EFNA5: variants seen among roughly 807,000 people sequenced by gnomAD.
EFNA5 encodes the protein ephrin A5, also known as ephrin-A5.
A neutral mutation model predicts 22.9 loss-of-function variants in EFNA5; 5 were observed. That is an observed-to-expected ratio of 0.22 (90% confidence interval 0.11 to 0.46). The LOEUF (loss-of-function observed/expected upper bound fraction) is 0.46. Ranked by LOEUF, EFNA5 falls within the 20% of genes least tolerant of loss-of-function variation. The pLI is 0.99. For synonymous variants in EFNA5, 113 were observed against 112.2 expected (o/e 1.01, Z -0.04); for missense variants, 237 against 293.3 (o/e 0.81, Z 1.40).
chr5:107,647,912 T>G (rs993162733), intron 1 of EFNA5, among the ~76,000 whole-genome samples: 1 of 152,100 alleles, frequency 6.6e-6, no homozygotes, highest in Non-Finnish European at 1.5e-5. Context: ...GCCAGGCAAC[T>G]CCAATAAATG....
chr5:107,593,396 A>G (rs1424642580), intron 1 of EFNA5, among the ~76,000 whole-genome samples: 1 of 152,172 alleles, frequency 6.6e-6, no homozygotes, highest in Non-Finnish European at 1.5e-5. Flanking sequence ...AAACTGTTTG[A>G]TGACTCTAAC....
At chr5:107,566,385 C>CT (rs2112481779) in intron 1 of EFNA5, among the ~76,000 whole-genome samples, 1 of 152,216 alleles carries the variant, frequency 6.6e-6, no homozygotes, top group East Asian at 1.9e-4. Context: ...AGCTTGGACT[C>CT]TATCGACGAG....
intron 1 of EFNA5, among the ~76,000 whole-genome samples, chr5:107,628,872 G>C (rs1173983515): frequency 6.6e-6 from 1 of 152,126 alleles, no homozygotes; most frequent in South Asian, 2.1e-4. Flanking sequence ...CTAAAAACAA[G>C]TCATATAAGG....
chr5:107,532,217 G>C (rs1014588998), intron 1 of EFNA5, among the ~76,000 whole-genome samples: 1 of 152,240 alleles, frequency 6.6e-6, no homozygotes, highest in Non-Finnish European at 1.5e-5. Context: ...AGGCAATGGC[G>C]TGTGAACGCT....
In EFNA5 at chr5:107,505,110, T is replaced by C. The variant is rs79448833; in HGVS notation, c.126-77601A>G. ...AACAAAAACTTGGCAATGATCTCCA[T>C]TCAAAGCAAAAATGCTATGAATTTT... is the stretch of plus-strand genomic sequence containing the variant. On this transcript the variant is annotated intron_variant, in intron 1 of 4. Coordinates refer to ENST00000333274, the MANE Select transcript of EFNA5 (RefSeq NM_001962.3). Among the ~76,000 whole-genome samples the C allele has an allele frequency of 4.0e-3, 608 of 152,120 alleles. 3 individuals are homozygous for C. The highest frequency in any genetic ancestry group is 0.024 in the Middle Eastern group (7 of 294).
intron 1 of EFNA5, among the ~76,000 whole-genome samples, chr5:107,470,737 A>G (rs29543): frequency 0.34 from 52,030 of 151,990 alleles, 9,787 homozygotes; most frequent in East Asian, 0.68. Flanking sequence ...TCACTTCTCT[A>G]TTCTGTACTT....
At position 107,429,486 on chromosome 5, in the gene EFNA5, A is replaced by C. The variant is rs549196029; in HGVS notation, c.126-1977T>G. Among the ~76,000 whole-genome samples, 12 of 152,262 alleles carry C rather than the reference A, an allele frequency of 7.9e-5. No individual in the cohort carries two copies. The South Asian group carries it at 1.2e-3, about 16-fold the overall frequency. On this transcript the variant is annotated intron_variant, in intron 1 of 4. Coordinates refer to ENST00000333274, the MANE Select transcript of EFNA5 (RefSeq NM_001962.3). ...AAGAAATAGACCACCTTCACTCTGG[A>C]TGCTAAATATTCATTGACAAGCCAA...
intron 1 of EFNA5, among the ~76,000 whole-genome samples, chr5:107,467,584 C>T (rs966061869): frequency 2.0e-5 from 3 of 152,128 alleles, no homozygotes; most frequent in South Asian, 2.1e-4. Flanking sequence ...AGGTGATATG[C>T]GCACATGGCA....
At chr5:107,452,723 C>T (rs553849682) in intron 1 of EFNA5, among the ~76,000 whole-genome samples, 1 of 152,218 alleles carries the variant, frequency 6.6e-6, no homozygotes, top group Admixed American at 6.5e-5. Flanking sequence ...GAATGAGACC[C>T]TGTCTCAGAA....
intron 1 of EFNA5, among the ~76,000 whole-genome samples, chr5:107,429,675 C>T (rs1375242908): frequency 6.6e-6 from 1 of 152,130 alleles, no homozygotes; most frequent in East Asian, 1.9e-4. Context: ...ATCATGAGAA[C>T]CTGCCTTGCT....
At chr5:107,398,870 A>G (rs1352894026) in intron 2 of EFNA5, among the ~76,000 whole-genome samples, 2 of 151,658 alleles carry the variant, frequency 1.3e-5, no homozygotes, top group Admixed American at 6.6e-5. Flanking sequence ...AAAAAAAAAA[A>G]AAAAAATCTT....
intron 1 of EFNA5, among the ~76,000 whole-genome samples, chr5:107,573,140 T>C (rs1365876196): frequency 3.3e-5 from 5 of 152,050 alleles, no homozygotes; most frequent in Non-Finnish European, 5.9e-5. Flanking sequence ...TCTCAGTGAG[T>C]TCACCAGCTC....
chr5:107,419,497 T>A (rs538421018), intron 2 of EFNA5, among the ~76,000 whole-genome samples: 2 of 152,324 alleles, frequency 1.3e-5, no homozygotes, highest in African/African-American at 4.8e-5. Context: ...ATTTTCAAAA[T>A]AACACAAAAC....
At chr5:107,554,213 G>T (rs1046280895) in intron 1 of EFNA5, among the ~76,000 whole-genome samples, 13 of 152,276 alleles carry the variant, frequency 8.5e-5, no homozygotes, top group African/African-American at 2.6e-4. Flanking sequence ...CATTCACTGA[G>T]ACATTTTATT....
At chr5:107,473,694 T>TGGCAC (rs1424962754) in intron 1 of EFNA5, among the ~76,000 whole-genome samples, 9 of 151,678 alleles carry the variant, frequency 5.9e-5, no homozygotes, top group Admixed American at 5.9e-4. Context: ...AGTTTCGCTC[T>TGGCAC]TGTTGCCCAA....
At chr5:107,439,440 TGGG>T (rs1749199888) in intron 1 of EFNA5, among the ~76,000 whole-genome samples, 1 of 152,000 alleles carries the variant, frequency 6.6e-6, no homozygotes, top group Non-Finnish European at 1.5e-5. Flanking sequence ...AGGGATACAG[TGGG>T]GGATAGGGTG....
intron 1 of EFNA5, among the ~76,000 whole-genome samples, chr5:107,462,291 G>A (rs528048190): frequency 6.6e-6 from 1 of 152,224 alleles, no homozygotes; most frequent in South Asian, 2.1e-4. Context: ...AAAGAAAAGG[G>A]AAGAGATGAG....
intron 1 of EFNA5, among the ~76,000 whole-genome samples, chr5:107,469,755 A>G (rs952454088): frequency 1.3e-5 from 2 of 152,178 alleles, no homozygotes; most frequent in African/African-American, 4.8e-5. Context: ...CTTAATCTCA[A>G]AAGGAAGTAG....
chr5:107,467,110 T>C (rs534685007), intron 1 of EFNA5, among the ~76,000 whole-genome samples: 50 of 152,222 alleles, frequency 3.3e-4, no homozygotes, highest in Admixed American at 4.6e-4. Context: ...AATAAAAATC[T>C]AAAGGAATGA....
Sources: allele counts gnomAD v4.1 joint callset (sites outside exome capture counted in the v4.1 genomes callset), GRCh38; gene constraint gnomAD v4.1.1; transcripts MANE v1.5; gene names NCBI Gene and HGNC (gene_info 2026-07-23, HGNC 2026-07-21).